TNR: variants seen among roughly 807,000 people sequenced by gnomAD.
The protein encoded by TNR is tenascin R.
TNR carries 45 observed loss-of-function variants against 150.4 expected under a neutral mutation model. The observed-to-expected ratio is 0.30, with a 90% CI of 0.24 to 0.38. The LOEUF (loss-of-function observed/expected upper bound fraction) is 0.38, where lower values mean the gene tolerates loss of function less well. Among genes scored for constraint, TNR ranks in the 10% least tolerant of loss-of-function variants. TNR has a pLI of 1.00. For synonymous variants in TNR, 687 were observed against 678.4 expected (o/e 1.01, Z -0.20); for missense variants, 1,544 against 1,759.1 (o/e 0.88, Z 2.19).
Position 175,642,507 on chromosome 1 carries a change from G to A in TNR, c.-165+100719C>T, listed in dbSNP as rs1664695959. Among the ~76,000 whole-genome samples the A allele has an allele frequency of 2.0e-5, 3 of 152,216 alleles. No individual in the cohort carries two copies. The South Asian group carries it at 6.2e-4, about 32-fold the overall frequency. ...TAAGTTGAGGAGTGACATGGTCATAGTTACAGTCTATGTCAACCTTGCAGT... is the reference window on the plus strand; with the variant it reads ...TAAGTTGAGGAGTGACATGGTCATAATTACAGTCTATGTCAACCTTGCAGT... On this transcript the variant is annotated intron_variant, in intron 1 of 22. Coordinates refer to ENST00000367674, the MANE Select transcript of TNR (RefSeq NM_003285.3).
intron 2 of TNR, among the ~76,000 whole-genome samples, chr1:175,497,689 G>A (rs551816045): frequency 9.2e-4 from 140 of 152,260 alleles, no homozygotes; most frequent in African/African-American, 3.3e-3. Flanking sequence ...CATATTATCT[G>A]CCCTAGGCCC....
At chr1:175,345,814 G>T (rs1359235976) in intron 18 of TNR, among the ~76,000 whole-genome samples, 1 of 152,072 alleles carries the variant, frequency 6.6e-6, no homozygotes, top group African/African-American at 2.4e-5. Flanking sequence ...AAACAGATCA[G>T]ATTTAAAGAG....
intron 3 of TNR, 43 bp downstream of exon 3, chr1:175,406,173 T>C: frequency 1.3e-6 from 2 of 1,590,052 alleles, no homozygotes; most frequent in Non-Finnish European, 1.7e-6. Flanking sequence ...CTCAGCCCTC[T>C]CCTTCCCCTC....
chr1:175,405,146 AT>A (rs1286991180), intron 3 of TNR, among the ~76,000 whole-genome samples: 1 of 152,210 alleles, frequency 6.6e-6, no homozygotes, highest in Non-Finnish European at 1.5e-5. Context: ...AAAGAACTGA[AT>A]TGCATGGGGT....
chr1:175,340,083 G>A (rs1023627897), intron 18 of TNR, among the ~76,000 whole-genome samples: 1 of 152,068 alleles, frequency 6.6e-6, no homozygotes, highest in African/African-American at 2.4e-5. Flanking sequence ...AGAAAAATAA[G>A]AATAAAATTA....
At chr1:175,723,022 C>T (rs1293604840) in intron 1 of TNR, among the ~76,000 whole-genome samples, 1 of 151,502 alleles carries the variant, frequency 6.6e-6, no homozygotes, top group Non-Finnish European at 1.5e-5. Flanking sequence ...AAGCTCCTGA[C>T]CTCATGATCT....
At chr1:175,332,517 A>T (rs914707629) in intron 20 of TNR, among the ~76,000 whole-genome samples, 2 of 152,158 alleles carry the variant, frequency 1.3e-5, no homozygotes, top group Non-Finnish European at 2.9e-5. Context: ...TATTGCTTCC[A>T]AACTACACCA....
At chr1:175,586,850 G>A (rs904568219) in intron 1 of TNR, among the ~76,000 whole-genome samples, 1 of 152,150 alleles carries the variant, frequency 6.6e-6, no homozygotes, top group South Asian at 2.1e-4. Flanking sequence ...AAGTCATTCT[G>A]GTCACTTCAG....
At position 175,449,522 on chromosome 1, in the gene TNR, G is replaced by A. The variant is rs141104801; in HGVS notation, c.-63-42745C>T. On this transcript the variant is annotated intron_variant, in intron 2 of 22. Transcript: ENST00000367674. ...GCAGACCTGTTATGAGTCATTTTGT[G>A]CTGGTACTGGGTCAGTTGCTAAATG... 4.6e-3 allele frequency among the ~76,000 whole-genome samples: 696 copies of A among 152,250 alleles called. 1 individual carries two copies. Among genetic ancestry groups the A allele is most frequent in the Non-Finnish European group, 7.8e-3 (531 of 68,014 alleles).
chr1:175,651,611 C>T (rs57879458), intron 1 of TNR, among the ~76,000 whole-genome samples: 14,808 of 151,946 alleles, frequency 0.097, 738 homozygotes, highest in East Asian at 0.14. Context: ...GAATCCTAGG[C>T]CTGGTCATTT....
At chr1:175,532,911 T>C (rs1000999257) in intron 1 of TNR, among the ~76,000 whole-genome samples, 31 of 152,096 alleles carry the variant, frequency 2.0e-4, no homozygotes, top group African/African-American at 6.8e-4. Flanking sequence ...AGCCACAGTG[T>C]CTTATAAGAC....
At chr1:175,628,155 A>G (rs566065851) in intron 1 of TNR, among the ~76,000 whole-genome samples, 3 of 152,324 alleles carry the variant, frequency 2.0e-5, no homozygotes, top group South Asian at 2.1e-4. Context: ...TTCTGATGCC[A>G]TTGTCTGCAG....
At chr1:175,444,339 T>C (rs1023921517) in intron 2 of TNR, among the ~76,000 whole-genome samples, 1 of 152,026 alleles carries the variant, frequency 6.6e-6, no homozygotes, top group Non-Finnish European at 1.5e-5. Flanking sequence ...CGAGACTCAA[T>C]GGAGGCCTTA....
At chr1:175,645,553 CCA>C (rs1269572576) in intron 1 of TNR, among the ~76,000 whole-genome samples, 2 of 152,194 alleles carry the variant, frequency 1.3e-5, no homozygotes, top group Non-Finnish European at 2.9e-5. Flanking sequence ...ACAATATCTT[CCA>C]CAACAGTTTT....
chr1:175,701,079 T>C (rs958048259), intron 1 of TNR, among the ~76,000 whole-genome samples: 5 of 152,222 alleles, frequency 3.3e-5, no homozygotes, highest in African/African-American at 1.2e-4. Flanking sequence ...ATTTTTGTGC[T>C]ACCTCTCAAA....
chr1:175,365,099 C>G lies in TNR; in HGVS notation c.2498G>C (p.Gly833Ala), dbSNP rs1240669478. 6.2e-7 allele frequency: 1 copy of G among 1,614,060 alleles called. No homozygotes were observed. Among genetic ancestry groups the G allele is most frequent in the Non-Finnish European group, 8.5e-7 (1 of 1,179,984 alleles). The change falls in exon 12 of 23, where the codon GGC (glycine) becomes GCC (alanine). Residue 833 changes from glycine (G) to alanine (A), a missense_variant. Physicochemically the swap from Gly to Ala is moderately conservative, Grantham distance 60 (BLOSUM62 0). Transcript: ENST00000367674. ...DATKRHAVLM[G>A]LQPATEYIVN... is the part of the protein sequence containing the mutation. ...AATATACTCTGTGGCTGGTTGCAGG[C>G]CCATCAGGACAGCATGCCTCTTGGT...
At chr1:175,538,518 T>C (rs1660379756) in intron 1 of TNR, among the ~76,000 whole-genome samples, 1 of 152,216 alleles carries the variant, frequency 6.6e-6, no homozygotes, top group Admixed American at 6.5e-5. Flanking sequence ...ATTAAAATTC[T>C]ATCTAAAACC....
chr1:175,477,847 T>G (rs1657616605), intron 2 of TNR, among the ~76,000 whole-genome samples: 1 of 152,064 alleles, frequency 6.6e-6, no homozygotes, highest in African/African-American at 2.4e-5. Context: ...CTGAGCGGAG[T>G]GTTTCACTCC....
At chr1:175,676,903 C>T (rs1571741734) in intron 1 of TNR, among the ~76,000 whole-genome samples, 1 of 152,208 alleles carries the variant, frequency 6.6e-6, no homozygotes, top group South Asian at 2.1e-4. Context: ...CTACACAGGA[C>T]CTCACTTAAC....
Sources: gnomAD v4.1 joint callset for allele counts (sites outside exome capture counted in the v4.1 genomes callset) on GRCh38, gnomAD v4.1.1 for gene constraint, MANE v1.5 for transcripts, NCBI Gene and HGNC (gene_info 2026-07-23, HGNC 2026-07-21) for gene names.